PRKN: variants seen among roughly 807,000 people sequenced by gnomAD.
PRKN encodes the protein E3 ubiquitin-protein ligase parkin.
A neutral mutation model predicts 59.5 loss-of-function variants in PRKN; 56 were observed. The observed-to-expected ratio is 0.94, with a 90% confidence interval of 0.76 to 1.18. PRKN has a LOEUF of 1.18. PRKN is among the 50% of genes most tolerant of loss of function. PRKN has a pLI of 0.00. For synonymous variants in PRKN, 250 were observed against 222.1 expected, an observed-to-expected ratio of 1.13 and a Z score of -1.12; for missense variants, 657 against 596.4, an observed-to-expected ratio of 1.10 and a Z score of -1.06.
chr6:161,634,300 T>C (rs924870581), intron 7 of PRKN, among the ~76,000 whole-genome samples: 1 of 152,198 alleles, frequency 6.6e-6, no homozygotes, highest in African/African-American at 2.4e-5. Context: ...CCTGAAGGCC[T>C]GTAGCAGGGC....
chr6:161,948,590 A>G (rs1363430960), intron 6 of PRKN, among the ~76,000 whole-genome samples: 1 of 152,188 alleles, frequency 6.6e-6, no homozygotes, highest in African/African-American at 2.4e-5. Context: ...AGGACAAGGA[A>G]CTGTTCTCTG....
In PRKN at chr6:161,497,577, T is replaced by G. The variant is rs7739983; in HGVS notation, c.1083+51277A>C. Among the ~76,000 whole-genome samples, 5 of 147,388 alleles carry G rather than the reference T, an allele frequency of 3.4e-5. No individual in the cohort carries two copies. The highest frequency in any genetic ancestry group is 2.1e-4 in the South Asian group (1 of 4,682). On this transcript the variant is annotated intron_variant, in intron 9 of 11. Coordinates refer to ENST00000366898, the MANE Select transcript of PRKN (RefSeq NM_004562.3). This position sits in a 1 kb window ranked among gnomAD's most constrained non-coding sequence, Gnocchi z 4.6. ...ATGTCTCTCTCTCTCTCTCTCTCTC[T>G]CACACACACACACACACACACCATA... is the stretch of plus-strand genomic sequence containing the variant.
intron 7 of PRKN, among the ~76,000 whole-genome samples, chr6:161,573,582 T>C (rs1386551371): frequency 3.3e-5 from 5 of 149,908 alleles, no homozygotes; most frequent in East Asian, 2.0e-4. Context: ...TAGCCTGGCG[T>C]GGTGGCGGGC....
At chr6:161,770,024 C>G (rs910372221) in intron 7 of PRKN, among the ~76,000 whole-genome samples, 1 of 152,154 alleles carries the variant, frequency 6.6e-6, no homozygotes, top group African/African-American at 2.4e-5. Context: ...ACCTGCACCC[C>G]CAAGAAGATG....
At chr6:162,319,833 G>A (rs1308720197) in intron 2 of PRKN, among the ~76,000 whole-genome samples, 1 of 151,846 alleles carries the variant, frequency 6.6e-6, no homozygotes, top group Admixed American at 6.6e-5. Flanking sequence ...TAATTCATCA[G>A]CATGCTTATT....
intron 2 of PRKN, among the ~76,000 whole-genome samples, chr6:162,425,166 C>T (rs754363646): frequency 4.2e-4 from 64 of 152,046 alleles, no homozygotes; most frequent in Non-Finnish European, 7.5e-4. Context: ...GCTCTTCCTT[C>T]GACAAAAGGT....
intron 1 of PRKN, among the ~76,000 whole-genome samples, chr6:162,686,798 C>T (rs1458856290): frequency 6.6e-6 from 1 of 152,096 alleles, no homozygotes; most frequent in African/African-American, 2.4e-5. Context: ...TTTTTGTTAA[C>T]TTTTTCAAAG....
intron 7 of PRKN, among the ~76,000 whole-genome samples, chr6:161,643,962 A>G (rs759467858): frequency 7.3e-4 from 77 of 104,952 alleles, no homozygotes; most frequent in Non-Finnish European, 8.5e-4. Flanking sequence ...CTGTCTTAAG[A>G]TATCTTGGTG....
intron 1 of PRKN, among the ~76,000 whole-genome samples, chr6:162,528,057 T>G (rs1176784153): frequency 1.4e-3 from 9 of 6,264 alleles, no homozygotes; most frequent in Admixed American, 2.7e-3. Flanking sequence ...CTTTGGGAGG[T>G]CGGGGGAGGG....
Position 161,372,031 on chromosome 6 carries a change from C to G in PRKN, c.1168-11826G>C, listed in dbSNP as rs1221732858. Among the ~76,000 whole-genome samples the G allele has an allele frequency of 6.6e-6, 1 of 152,214 alleles. No individual in the cohort carries two copies. Among genetic ancestry groups the G allele is most frequent in the Non-Finnish European group, 1.5e-5 (1 of 68,048 alleles). On this transcript the variant is annotated intron_variant, in intron 10 of 11. Coordinates refer to ENST00000366898, the MANE Select transcript of PRKN (RefSeq NM_004562.3). This position sits in a 1 kb window ranked among gnomAD's most constrained non-coding sequence, Gnocchi z 4.2. ...TGCCACAGACGAGATCTTACAGAGT[C>G]TTGCCCCATGGGGCCCTAAATGCTT... is the stretch of plus-strand genomic sequence containing the variant.
chr6:161,749,179 T>C (rs1788569201), intron 7 of PRKN, among the ~76,000 whole-genome samples: 1 of 152,210 alleles, frequency 6.6e-6, no homozygotes, highest in Admixed American at 6.5e-5. Context: ...TAGCAATGTC[T>C]ACTGGGACCT....
chr6:162,262,681 C>T lies in PRKN; in HGVS notation c.256G>A (p.Asp86Asn), dbSNP rs747891099. Residue 86 changes from aspartate (D) to asparagine (N), a missense_variant, in exon 3 of 12, where the codon GAC (aspartate) becomes AAC (asparagine). Transcript: ENST00000366898. ...KGQEMNATGG[D>N]DPRNAAGGCE... ...CCTCCCGCCGCGTTTCTGGGGTCGT[C>T]GCCTCCAGTTGCATTCATTTCTTGA... 20 of 1,612,990 alleles carry T rather than the reference C, an allele frequency of 1.2e-5. No homozygotes were observed. Among genetic ancestry groups the T allele is most frequent in the South Asian group, 3.3e-5 (3 of 91,062 alleles).
At chr6:162,109,159 C>A (rs1780315174) in intron 4 of PRKN, among the ~76,000 whole-genome samples, 1 of 152,200 alleles carries the variant, frequency 6.6e-6, no homozygotes, top group African/African-American at 2.4e-5. Flanking sequence ...ACTGACACAG[C>A]ACCCTGGTGG....
At chr6:161,655,885 T>C (rs147682865) in intron 7 of PRKN, among the ~76,000 whole-genome samples, 82 of 56,814 alleles carry the variant, frequency 1.4e-3, no homozygotes, top group Middle Eastern at 0.023. Context: ...CACACACACA[T>C]ACACACACAC....
At chr6:161,513,097 T>C (rs776139239) in intron 9 of PRKN, among the ~76,000 whole-genome samples, 8 of 152,188 alleles carry the variant, frequency 5.3e-5, no homozygotes, top group Admixed American at 3.3e-4. Context: ...GGAAAGCAGA[T>C]GTTTAGGAGT....
chr6:162,232,151 T>A (rs777544903), intron 3 of PRKN, among the ~76,000 whole-genome samples: 10 of 151,926 alleles, frequency 6.6e-5, no homozygotes, highest in Non-Finnish European at 1.5e-4. Context: ...AAACGAGGGG[T>A]ATGTAGGGTA....
chr6:162,021,999 C>T (rs1405119019), intron 5 of PRKN, among the ~76,000 whole-genome samples: 2 of 152,112 alleles, frequency 1.3e-5, no homozygotes, highest in African/African-American at 2.4e-5. Flanking sequence ...CCTGTAACTG[C>T]ATCCACGTCG....
At chr6:161,469,530 G>A (rs73589742) in intron 9 of PRKN, among the ~76,000 whole-genome samples, 3,491 of 145,884 alleles carry the variant, frequency 0.024, 128 homozygotes, top group African/African-American at 0.084. Context: ...ATCCAGGTGG[G>A]TCCAGTGAAC....
At chr6:161,680,769 ATATATAT>A (rs1272952764) in intron 7 of PRKN, among the ~76,000 whole-genome samples, 4 of 13,060 alleles carry the variant, frequency 3.1e-4, no homozygotes, top group Non-Finnish European at 3.5e-4. Flanking sequence ...ATATATATAT[ATATATAT>A]TTTTTTTTTT....
Sources: gnomAD v4.1 joint callset for allele counts (sites outside exome capture counted in the v4.1 genomes callset) on GRCh38, gnomAD v4.1.1 for gene constraint, Gnocchi (gnomAD v3.1) non-coding constraint, MANE v1.5 for transcripts, NCBI Gene and HGNC (gene_info 2026-07-23, HGNC 2026-07-21) for gene names.